FREM3: variants seen among roughly 807,000 people sequenced by gnomAD.
The protein encoded by FREM3 is FRAS1 related extracellular matrix 3.
Under a neutral mutation model 129.1 loss-of-function variants are expected in FREM3, and 105 were observed. The ratio of observed to expected loss-of-function variants is 0.81; its 90% CI spans 0.69 to 0.96. The LOEUF (loss-of-function observed/expected upper bound fraction) is 0.96. Ranked by LOEUF, FREM3 falls within the 40% of genes least tolerant of loss-of-function variation. The pLI is 0.00. For synonymous variants in FREM3, 1,014 were observed against 1,044.9 expected (o/e 0.97, Z 0.57); for missense variants, 2,593 against 2,666.3 (o/e 0.97, Z 0.61).
intron 6 of FREM3, among the ~76,000 whole-genome samples, chr4:143,603,251 A>G (rs1422572831): frequency 6.6e-6 from 1 of 152,208 alleles, no homozygotes; most frequent in African/African-American, 2.4e-5. Flanking sequence ...AACTGCTTCT[A>G]CATGGCTGGA....
At chr4:143,631,941 C>T (rs1739147809) in intron 2 of FREM3, among the ~76,000 whole-genome samples, 1 of 152,084 alleles carries the variant, frequency 6.6e-6, no homozygotes, top group Non-Finnish European at 1.5e-5. Flanking sequence ...TGTGCATTTA[C>T]CACAAAAAGA....
intron 2 of FREM3, among the ~76,000 whole-genome samples, chr4:143,689,021 T>C (rs1740418478): frequency 1.3e-5 from 2 of 152,014 alleles, no homozygotes; most frequent in Non-Finnish European, 2.9e-5. Context: ...CAAAGATAAA[T>C]AGCCGGGACC....
chr4:143,614,273 A>G (rs1738808305), intron 5 of FREM3, among the ~76,000 whole-genome samples: 1 of 152,230 alleles, frequency 6.6e-6, no homozygotes, highest in East Asian at 1.9e-4. Flanking sequence ...CAACTCTTTG[A>G]GCAGTTATAT....
Position 143,661,082 on chromosome 4 carries a change from C to T in FREM3, c.5275+32031G>A, listed in dbSNP as rs191329256. Reference sequence around the variant, plus strand: ...CTAATTGAATACCCTTTATTTCGTTCGCTGCCTGATTGCCCTGGCCAGAAT... The same window carrying T: ...CTAATTGAATACCCTTTATTTCGTTTGCTGCCTGATTGCCCTGGCCAGAAT... On this transcript the variant is annotated intron_variant, in intron 2 of 7. Transcript: ENST00000329798. Among the ~76,000 whole-genome samples the T allele has an allele frequency of 4.6e-5, 7 of 152,244 alleles. No individual in the cohort carries two copies. The East Asian group carries it at 5.8e-4, about 13-fold the overall frequency.
chr4:143,680,286 A>G (rs1322617711), intron 2 of FREM3, among the ~76,000 whole-genome samples: 2 of 151,472 alleles, frequency 1.3e-5, no homozygotes, highest in African/African-American at 2.4e-5. Flanking sequence ...ATATATGCAT[A>G]TCTATCTATA....
At chr4:143,620,472 A>C (rs1738927119) in intron 5 of FREM3, among the ~76,000 whole-genome samples, 1 of 152,126 alleles carries the variant, frequency 6.6e-6, no homozygotes, top group African/African-American at 2.4e-5. Context: ...TATGATCCTG[A>C]GGGGATGAGA....
intron 2 of FREM3, among the ~76,000 whole-genome samples, chr4:143,655,042 G>C (rs1019260137): frequency 6.6e-6 from 1 of 152,190 alleles, no homozygotes; most frequent in Non-Finnish European, 1.5e-5. Context: ...AGGAGGCCCA[G>C]GCAGGTAAGT....
chr4:143,591,916 G>C (rs1366219583), intron 6 of FREM3, among the ~76,000 whole-genome samples: 1 of 152,210 alleles, frequency 6.6e-6, no homozygotes, highest in Non-Finnish European at 1.5e-5. Context: ...TTATGAATCT[G>C]GATGCTCCTG....
chr4:143,661,736 G>T (rs1178390053), intron 2 of FREM3, among the ~76,000 whole-genome samples: 7 of 152,164 alleles, frequency 4.6e-5, no homozygotes, highest in Non-Finnish European at 1.0e-4. Context: ...TTTTTGGTTG[G>T]TAAGCTATTG....
intron 2 of FREM3, among the ~76,000 whole-genome samples, chr4:143,632,615 A>C (rs1578843234): frequency 6.6e-6 from 1 of 152,044 alleles, no homozygotes; most frequent in African/African-American, 2.4e-5. Context: ...AGGGACATTT[A>C]GTTAATATGA....
intron 7 of FREM3, among the ~76,000 whole-genome samples, chr4:143,578,184 C>T (rs1459050035): frequency 1.3e-5 from 2 of 152,114 alleles, no homozygotes; most frequent in Non-Finnish European, 2.9e-5. Context: ...AAGGATTTGC[C>T]TTTTTAATTT....
intron 2 of FREM3, among the ~76,000 whole-genome samples, chr4:143,675,440 A>G (rs966564537): frequency 6.6e-6 from 1 of 152,224 alleles, no homozygotes; most frequent in Non-Finnish European, 1.5e-5. Context: ...AGAAAGCAGG[A>G]AAGATCTAAA....
chr4:143,611,668 T>C, intron 5 of FREM3, 141 bp from the exon 6 acceptor site: 2 of 730,774 alleles, frequency 2.7e-6, no homozygotes, highest in South Asian at 3.9e-5. Flanking sequence ...TCACAAATAG[T>C]AATACTGTAA....
At chr4:143,583,994 A>G (rs1299262176) in intron 7 of FREM3, among the ~76,000 whole-genome samples, 2 of 152,384 alleles carry the variant, frequency 1.3e-5, no homozygotes, top group East Asian at 3.9e-4. Flanking sequence ...TAAATGACCC[A>G]ATTAAAAGGC....
At chr4:143,663,551 A>C (rs1739785312) in intron 2 of FREM3, among the ~76,000 whole-genome samples, 1 of 151,916 alleles carries the variant, frequency 6.6e-6, no homozygotes, top group South Asian at 2.1e-4. Context: ...TGAATCTGAC[A>C]ATTTATGTGT....
At chr4:143,636,540 T>C (rs772381503) in intron 2 of FREM3, among the ~76,000 whole-genome samples, 30 of 152,184 alleles carry the variant, frequency 2.0e-4, no homozygotes, top group Non-Finnish European at 3.7e-4. Context: ...CTGCAGAATT[T>C]TTAACTTATC....
intron 2 of FREM3, among the ~76,000 whole-genome samples, chr4:143,642,918 CACAA>C (rs1318442103): frequency 2.0e-5 from 3 of 151,976 alleles, no homozygotes; most frequent in African/African-American, 7.2e-5. Context: ...AGCAAAAAAA[CACAA>C]ACAAACAAAA....
Position 143,700,111 on chromosome 4 carries a change from C to A in FREM3, c.565G>T (p.Asp189Tyr). 6.5e-7 allele frequency: 1 copy of A among 1,537,024 alleles called. No individual in the cohort carries two copies. The highest frequency in any genetic ancestry group is 8.7e-7 in the Non-Finnish European group (1 of 1,146,852). Reference protein sequence around the residue: ...EKLRSWSRAIDRRVLDFASLK... With the variant: ...EKLRSWSRAIYRRVLDFASLK... ...GAGGCGAAGTCCAGCACTCTCCTGTCTATGGCGCGGCTCCAGCTTCGCAGC... is the reference window on the plus strand; with the variant it reads ...GAGGCGAAGTCCAGCACTCTCCTGTATATGGCGCGGCTCCAGCTTCGCAGC... The change falls in exon 1 of 8, where the codon GAC becomes TAC. Residue 189 changes from aspartate to tyrosine, a missense_variant. By Grantham distance (160) the Asp-to-Tyr change is radical. This residue lies in a region of FREM3 where 2,276 missense variants were observed against 2,267.2 expected (regional missense o/e 1.00). Transcript: ENST00000329798.
chr4:143,620,979 CCA>C, intron 5 of FREM3, 56 bp downstream of exon 5: 1 of 1,506,154 alleles, frequency 6.6e-7, no homozygotes, highest in South Asian at 1.2e-5. Flanking sequence ...CCCAGCATTA[CCA>C]CAGTCTTGTT....
Sources: allele counts gnomAD v4.1 joint callset (sites outside exome capture counted in the v4.1 genomes callset), GRCh38; gene constraint gnomAD v4.1.1; regional missense constraint gnomAD v4.1.1; transcripts MANE v1.5; gene names NCBI Gene and HGNC (gene_info 2026-07-23, HGNC 2026-07-21).